The following FGD6 variants were observed in gnomAD, a reference collection of about 807,000 sequenced individuals.
The protein encoded by FGD6 is FYVE, RhoGEF and PH domain containing 6.
FGD6 carries 90 observed loss-of-function variants against 149.4 expected under a neutral mutation model. The ratio of observed to expected loss-of-function variants is 0.60; its 90% CI spans 0.51 to 0.72. The LOEUF (loss-of-function observed/expected upper bound fraction) is 0.72, where lower values mean the gene tolerates loss of function less well. FGD6 is among the 30% of genes least tolerant of loss of function. The pLI is 0.00. For synonymous variants in FGD6, 527 were observed against 584.0 expected, an observed-to-expected ratio of 0.90 and a Z score of 1.41; for missense variants, 1,437 against 1,684.8, an observed-to-expected ratio of 0.85 and a Z score of 2.57.
At chr12:95,115,580 TA>T (rs1000706145) in intron 8 of FGD6, among the ~76,000 whole-genome samples, 4 of 151,932 alleles carry the variant, frequency 2.6e-5, no homozygotes, top group African/African-American at 7.3e-5. Context: ...TTAGTTGAGG[TA>T]AAAGGCAATA....
intron 20 of FGD6, among the ~76,000 whole-genome samples, chr12:95,082,315 A>C (rs145693561): frequency 6.6e-6 from 1 of 151,942 alleles, no homozygotes; most frequent in Admixed American, 6.6e-5. Flanking sequence ...AAGATTTGCA[A>C]TTAAAAGGAA....
Position 95,124,282 on chromosome 12 carries a change from C to T in FGD6, c.3082+10457G>A, listed in dbSNP as rs117733167. On this transcript the variant is annotated intron_variant, in intron 8 of 20. Transcript: ENST00000343958. ...TTATTAAGCAGGAATCTTAAGTGTA[C>T]GGAAATGGCCTTGGCACAGTCGAGC... 7.2e-5 allele frequency among the ~76,000 whole-genome samples: 11 copies of T among 152,196 alleles called. No homozygotes were observed. In the East Asian group the frequency reaches 2.1e-3, roughly 29 times the overall value.
chr12:95,149,259 T>A (rs1429313303), intron 5 of FGD6, among the ~76,000 whole-genome samples: 2 of 29,174 alleles, frequency 6.9e-5, no homozygotes, highest in African/African-American at 1.8e-4. Flanking sequence ...GCATATATAT[T>A]ATATATTATA....
rs140080074 is a variant in FGD6 at position 95,100,334 on chromosome 12, C to T, written c.3497+4673G>A. On this transcript the variant is annotated intron_variant, in intron 14 of 20. Transcript: ENST00000343958. ...GCCTTCCCTCATAGCTCTCCATATG[C>T]CAGTCTCCAAACAATGACTTTCTCT... 5.6e-4 allele frequency among the ~76,000 whole-genome samples: 85 copies of T among 152,294 alleles called. 1 individual carries two copies. Among genetic ancestry groups the T allele is most frequent in the Admixed American group, 9.8e-4 (15 of 15,302 alleles).
intron 3 of FGD6, among the ~76,000 whole-genome samples, chr12:95,165,003 A>ATGAAT (rs1198704813): frequency 2.0e-5 from 3 of 152,226 alleles, no homozygotes; most frequent in Non-Finnish European, 4.4e-5. Context: ...GATGAAGACG[A>ATGAAT]TGAATATTCT....
At chr12:95,083,028 T>TATATATATATATATATATATATACACAC (rs1565890832) in intron 20 of FGD6, among the ~76,000 whole-genome samples, 1 of 67,856 alleles carries the variant, frequency 1.5e-5, no homozygotes. Context: ...TATATATATA[T>TATATATATATATATATATATATACACAC]ATACACACAC....
At chr12:95,164,893 T>A (rs1235234058) in intron 3 of FGD6, among the ~76,000 whole-genome samples, 1 of 152,172 alleles carries the variant, frequency 6.6e-6, no homozygotes, top group African/African-American at 2.4e-5. Flanking sequence ...CTCTAAACAA[T>A]GCTCTCTTAG....
At chr12:95,083,474 A>G (rs913109273) in intron 20 of FGD6, among the ~76,000 whole-genome samples, 1 of 152,196 alleles carries the variant, frequency 6.6e-6, no homozygotes, top group Non-Finnish European at 1.5e-5. Flanking sequence ...AAGAAAGCTA[A>G]TATCTGACAA....
chr12:95,142,029 T>C (rs1879862279), intron 5 of FGD6, among the ~76,000 whole-genome samples: 1 of 152,108 alleles, frequency 6.6e-6, no homozygotes, highest in African/African-American at 2.4e-5. Context: ...GCACGTGTTG[T>C]GGGTCTCCCT....
At chr12:95,214,684 C>G (rs1367227127) in intron 1 of FGD6, among the ~76,000 whole-genome samples, 1 of 152,154 alleles carries the variant, frequency 6.6e-6, no homozygotes. Context: ...ATTTTACTAA[C>G]TATTACAAAC....
intron 3 of FGD6, among the ~76,000 whole-genome samples, chr12:95,157,502 G>T (rs1880506417): frequency 6.7e-6 from 1 of 149,990 alleles, no homozygotes; most frequent in Admixed American, 6.7e-5. Context: ...GGAGGCAGAG[G>T]TTGCAGTGAG....
rs561847105 is a variant in FGD6, at chr12:95,156,563, G to A, written c.2587-3570C>T. On this transcript the variant is annotated intron_variant, in intron 3 of 20. Coordinates refer to ENST00000343958, the MANE Select transcript of FGD6 (RefSeq NM_018351.4). ...AAACTTCATTAGCAATTTTAATTTC[G>A]CCCCGTCCTGTGGTCCTGTGATCTC... is the stretch of plus-strand genomic sequence containing the variant. Among the ~76,000 whole-genome samples, 68 of 152,078 alleles carry A rather than the reference G, an allele frequency of 4.5e-4. 3 individuals carry two copies. The South Asian group carries it at 9.3e-3, about 21-fold the overall frequency.
chr12:95,083,991 A>G (rs1213368108), intron 20 of FGD6, among the ~76,000 whole-genome samples: 1 of 152,220 alleles, frequency 6.6e-6, no homozygotes, highest in Non-Finnish European at 1.5e-5. Flanking sequence ...TTTGCCATCT[A>G]AACTGATAGC....
chr12:95,198,540 C>T (rs1251421101), intron 2 of FGD6, among the ~76,000 whole-genome samples: 1 of 152,096 alleles, frequency 6.6e-6, no homozygotes, highest in Non-Finnish European at 1.5e-5. Context: ...CCCAGGTTCA[C>T]GCCCTTCTCC....
chr12:95,169,557 G>A (rs1440173715), intron 3 of FGD6, among the ~76,000 whole-genome samples: 1 of 152,190 alleles, frequency 6.6e-6, no homozygotes, highest in Non-Finnish European at 1.5e-5. Flanking sequence ...CAACCAGGCG[G>A]TGTTATCACA....
chr12:95,216,669 C>CAAAAAAAAAAAAAAAAAA (rs143881424), intron 1 of FGD6, among the ~76,000 whole-genome samples: 1 of 88,736 alleles, frequency 1.1e-5, no homozygotes, highest in Non-Finnish European at 2.1e-5. Context: ...TGCAGACAAG[C>CAAAAAAAAAAAAAAAAAA]AAAAAAAAAA....
At chr12:95,190,561 C>T (rs1053324708) in intron 2 of FGD6, among the ~76,000 whole-genome samples, 43 of 152,104 alleles carry the variant, frequency 2.8e-4, no homozygotes, top group Admixed American at 1.4e-3. Flanking sequence ...TCTAATTAGT[C>T]CATTCCAGGG....
intron 18 of FGD6, among the ~76,000 whole-genome samples, chr12:95,088,195 C>T (rs187651412): frequency 5.3e-5 from 8 of 152,262 alleles, no homozygotes; most frequent in African/African-American, 1.9e-4. Flanking sequence ...AACTGATCCA[C>T]AAAACATGTC....
chr12:95,106,515 A>G (rs974088076), intron 13 of FGD6, among the ~76,000 whole-genome samples: 5 of 145,908 alleles, frequency 3.4e-5, no homozygotes, highest in African/African-American at 1.3e-4. Flanking sequence ...CAAACTCCTG[A>G]CCTTGTGATC....
Sources: allele counts gnomAD v4.1 joint callset (sites outside exome capture counted in the v4.1 genomes callset), GRCh38; gene constraint gnomAD v4.1.1; transcripts MANE v1.5; gene names NCBI Gene and HGNC (gene_info 2026-07-23, HGNC 2026-07-21).